The following SMG1 variants were observed in gnomAD, a reference collection of about 807,000 sequenced individuals.
SMG1 encodes the protein serine/threonine-protein kinase SMG1.
In SMG1, 22 loss-of-function variants were observed where a neutral mutation model predicts 419.9. The ratio of observed to expected loss-of-function variants is 0.05; its 90% CI spans 0.04 to 0.07. The LOEUF is 0.07. SMG1 is among the 10% of genes least tolerant of loss of function. SMG1 has a pLI of 1.00. For synonymous variants in SMG1, 1,538 were observed against 1,553.5 expected, an observed-to-expected ratio of 0.99 and a Z score of 0.23; for missense variants, 3,185 against 4,342.0, an observed-to-expected ratio of 0.73 and a Z score of 7.49.
chr16:18,830,150 C>T, intron 52 of SMG1, 35 bp from the exon 53 acceptor site: 1 of 1,602,788 alleles, frequency 6.2e-7, no homozygotes, highest in Non-Finnish European at 8.5e-7. Flanking sequence ...TTCATTTCTC[C>T]ACTCTTGACA....
chr16:18,888,438 C>T (rs1477317705), intron 6 of SMG1, among the ~76,000 whole-genome samples: 2 of 149,796 alleles, frequency 1.3e-5, no homozygotes, highest in African/African-American at 4.9e-5. Flanking sequence ...CCTAAGCAAT[C>T]TCAAAAAAAC....
intron 57 of SMG1, 61 bp from the exon 58 acceptor site, chr16:18,816,590 C>A: frequency 7.4e-7 from 1 of 1,358,392 alleles, no homozygotes; most frequent in Non-Finnish European, 1.0e-6. Flanking sequence ...GTTCTTTCTT[C>A]ATTAACATCA....
chr16:18,821,057 C>T (rs567055922), intron 55 of SMG1, among the ~76,000 whole-genome samples: 2 of 152,200 alleles, frequency 1.3e-5, no homozygotes, highest in African/African-American at 2.4e-5. Flanking sequence ...ATAAGAAATG[C>T]CCATGCTTGT....
chr16:18,921,314 C>T (rs559988011), intron 1 of SMG1, among the ~76,000 whole-genome samples: 1 of 151,900 alleles, frequency 6.6e-6, no homozygotes, highest in Non-Finnish European at 1.5e-5. Context: ...CCACTGCACT[C>T]CAGCCTGGAC....
At chr16:18,916,513 C>CAA (rs59985733) in intron 1 of SMG1, among the ~76,000 whole-genome samples, 4,958 of 68,314 alleles carry the variant, frequency 0.073, 257 homozygotes, top group East Asian at 0.11. Context: ...GACTCCATCT[C>CAA]AAAAAAAAAA....
chr16:18,821,270 A>ATTTTTTTTTTTTTTT (rs2032540321), intron 55 of SMG1, among the ~76,000 whole-genome samples: 1 of 7,562 alleles, frequency 1.3e-4, no homozygotes, highest in Admixed American at 1.5e-3. Context: ...TTTTTTTATT[A>ATTTTTTTTTTTTTTT]TACTCTCAGT....
chr16:18,907,238 C>A (rs2037598153), intron 1 of SMG1, among the ~76,000 whole-genome samples: 1 of 151,576 alleles, frequency 6.6e-6, no homozygotes, highest in East Asian at 2.0e-4. Flanking sequence ...GCCGAGACTG[C>A]GCCAATGCAC....
chr16:18,907,630 A>C (rs1257342164), intron 1 of SMG1, among the ~76,000 whole-genome samples: 2 of 151,966 alleles, frequency 1.3e-5, no homozygotes, highest in African/African-American at 4.8e-5. Context: ...CGGGCGGATC[A>C]TGAGGTCAGG....
In SMG1 at chr16:18,849,305, G is replaced by C. The variant is rs375991428; in HGVS notation, c.5535C>G (p.Leu1845=). The C allele has an allele frequency of 5.6e-6, 9 of 1,613,740 alleles. No individual in the cohort carries two copies. The African/African-American group carries it at 9.3e-5, about 17-fold the overall frequency. The change falls in exon 36 of 63, where the codon CTC becomes CTG. Residue 1845 remains leucine (L), a synonymous_variant. Coordinates refer to ENST00000446231, the MANE Select transcript of SMG1 (RefSeq NM_015092.5). ...VYVRQSICNL[L]CRVAQDSPHL... is the part of the protein sequence containing the mutation. ...GTGGGGAATCTTGAGCCACACGGCA[G>C]AGAAGGTTACAAATACTTTGGCGCA...
In SMG1 at chr16:18,841,615, C is replaced by T. The variant is rs1238611264; in HGVS notation, c.6646G>A (p.Gly2216Ser). The T allele has an allele frequency of 6.2e-7, 1 of 1,613,832 alleles. No individual in the cohort carries two copies. The highest frequency in any genetic ancestry group is 1.7e-5 in the Admixed American group (1 of 60,010). ...CGTTGTTGCCATCGTTTGTAAAGAC[C>T]AAATAAGGGTGTGGCTCCATCTACC... is the stretch of plus-strand genomic sequence containing the variant. ...QWVDGATPLF[G>S]LYKRWQQREA... The change falls in exon 41 of 63, where the codon GGT becomes AGT. Residue 2216 changes from glycine to serine, a missense_variant. Gly to Ser is a moderately conservative substitution (Grantham distance 56). This residue lies in a region of SMG1 where 132 missense variants were observed against 151.0 expected (regional missense o/e 0.87). Transcript: ENST00000446231.
intron 29 of SMG1, 117 bp downstream of exon 29, chr16:18,858,053 G>A: frequency 1.3e-6 from 1 of 757,546 alleles, no homozygotes. Context: ...CACAAGTGAA[G>A]ACATGTTAGA....
chr16:18,830,186 T>C (rs967983467), intron 52 of SMG1, 33 bp downstream of exon 52: 1 of 1,611,976 alleles, frequency 6.2e-7, no homozygotes, highest in South Asian at 1.1e-5. Flanking sequence ...TTTATGGCAC[T>C]TGCATTATTT....
At chr16:18,836,652 G>A in intron 46 of SMG1, 120 bp from the exon 47 acceptor site, 1 of 988,054 alleles carries the variant, frequency 1.0e-6, no homozygotes, top group Non-Finnish European at 1.5e-6. Context: ...CACCTTGAGG[G>A]CCCTCCTCAA....
intron 28 of SMG1, 112 bp from the exon 29 acceptor site, chr16:18,858,402 G>A: frequency 1.2e-6 from 1 of 859,268 alleles, no homozygotes; most frequent in East Asian, 2.9e-5. Context: ...ACTTCAGATT[G>A]ATTGCAGTAG....
rs1018817597 is a variant in SMG1, at chr16:18,901,945, A to C, written c.93-4989T>G. ...GGGCAACAGAGCAAGACTATCTCCA[A>C]AAAAAAAAAGGGGGGGGTGGCGGTG... On this transcript the variant is annotated intron_variant, in intron 1 of 62. Coordinates refer to ENST00000446231, the MANE Select transcript of SMG1 (RefSeq NM_015092.5). Among the ~76,000 whole-genome samples the C allele has an allele frequency of 1.9e-4, 26 of 136,186 alleles. 1 individual carries two copies. Among genetic ancestry groups the C allele is most frequent in the Non-Finnish European group, 2.7e-4 (17 of 62,802 alleles). The allele number at this position is 136,186 out of a possible 152,430, so 89.3% of individuals were successfully genotyped here.
In SMG1 at chr16:18,847,460, A is replaced by G. The variant is rs2034331605; in HGVS notation, c.5989T>C (p.Leu1997=). 1 of 1,614,036 alleles carries G rather than the reference A, an allele frequency of 6.2e-7. No individual in the cohort carries two copies. Among genetic ancestry groups the G allele is most frequent in the Non-Finnish European group, 8.5e-7 (1 of 1,179,876 alleles). The change falls in exon 38 of 63, where the codon TTA becomes CTA. Residue 1997 remains leucine, a synonymous_variant. Transcript: ENST00000446231. ...AAGTGTATGGAAACATACTTGCGTA[A>G]GGTGTTGTTGTTCTGGACTCTCTTC... ...EVKRVQNNNT[L]RKEEKIAIMR...
intron 33 of SMG1, among the ~76,000 whole-genome samples, chr16:18,851,506 T>C (rs2034593026): frequency 6.6e-6 from 1 of 152,254 alleles, no homozygotes; most frequent in African/African-American, 2.4e-5. Context: ...GAACTTACAA[T>C]TTCTGATAAA....
intron 1 of SMG1, among the ~76,000 whole-genome samples, chr16:18,906,252 G>A (rs1475153878): frequency 6.6e-6 from 1 of 152,158 alleles, no homozygotes; most frequent in Non-Finnish European, 1.5e-5. Flanking sequence ...AGGAGGCCAA[G>A]GCGGTGGATC....
chr16:18,843,434 T>G (rs1173912924), intron 39 of SMG1, among the ~76,000 whole-genome samples: 1 of 152,222 alleles, frequency 6.6e-6, no homozygotes, highest in African/African-American at 2.4e-5. Context: ...TGTTGCTACA[T>G]GCAGCAAACT....
Sources: gnomAD v4.1 joint callset for allele counts (sites outside exome capture counted in the v4.1 genomes callset) on GRCh38, gnomAD v4.1.1 for gene constraint, gnomAD v4.1.1 regional missense constraint, MANE v1.5 for transcripts, NCBI Gene and HGNC (gene_info 2026-07-23, HGNC 2026-07-21) for gene names.